ZNF831: variants seen among roughly 807,000 people sequenced by gnomAD.
ZNF831 encodes chromosome 20 open reading frame 174.
A neutral mutation model predicts 95.8 loss-of-function variants in ZNF831; 59 were observed. That is an observed-to-expected ratio of 0.62 (90% CI 0.50 to 0.77). ZNF831 has a LOEUF of 0.77. Among genes scored for constraint, ZNF831 ranks in the 30% least tolerant of loss-of-function variants. ZNF831 has a pLI of 0.00. For synonymous variants in ZNF831, 961 were observed against 925.5 expected, an observed-to-expected ratio of 1.04 and a Z score of -0.70; for missense variants, 2,205 against 2,164.0, an observed-to-expected ratio of 1.02 and a Z score of -0.38.
In ZNF831 at chr20:59,252,987, T is replaced by C. The variant is rs1163492310; in HGVS notation, c.4037T>C (p.Leu1346Pro). The C allele has an allele frequency of 1.2e-6, 2 of 1,613,840 alleles. No individual in the cohort carries two copies. Among genetic ancestry groups the C allele is most frequent in the Admixed American group, 1.7e-5 (1 of 59,998 alleles). ...QTSSEIAGLN[L>P]QEEPSCATSE... is the part of the protein sequence containing the mutation. ...GCCTCTCCCCTTGCAGGTCTGAATC[T>C]GCAAGAGGAGCCATCTTGTGCCACC... is the stretch of plus-strand genomic sequence containing the variant. The change falls in exon 5 of 6, where the codon CTG (leucine) becomes CCG (proline). Residue 1346 changes from leucine to proline, a missense_variant. Leu to Pro is a moderately conservative substitution (Grantham distance 98, BLOSUM62 -3). Coordinates refer to ENST00000371030, the MANE Select transcript of ZNF831 (RefSeq NM_178457.3).
At chr20:59,240,689 C>T (rs936738347) in intron 4 of ZNF831, among the ~76,000 whole-genome samples, 15 of 152,068 alleles carry the variant, frequency 9.9e-5, no homozygotes, top group Non-Finnish European at 2.2e-4. Flanking sequence ...GTAGTCCCAG[C>T]TACTCCGGAG....
chr20:59,232,190 G>A (rs1027325695), intron 4 of ZNF831, among the ~76,000 whole-genome samples: 2 of 151,960 alleles, frequency 1.3e-5, no homozygotes, highest in East Asian at 1.9e-4. Flanking sequence ...TGAAATGTAT[G>A]GACACCTTTA....
In ZNF831 at chr20:59,258,587, TG is replaced by T. The variant is rs1172438873; in HGVS notation, c.*3847del. 1.3e-5 allele frequency: 2 copies of T among 152,608 alleles called. No individual in the cohort carries two copies. Among genetic ancestry groups the T allele is most frequent in the African/African-American group, 2.4e-5 (1 of 41,444 alleles). 9.5% of individuals were successfully genotyped at this position (152,608 alleles called of 1,614,324 possible). Reference sequence around the variant, plus strand: ...GGAGAATATGACCTGCCTGGCTCTATGGGTGATCATATTTCTACTGCTGCAG... The same window carrying T: ...GGAGAATATGACCTGCCTGGCTCTATGGTGATCATATTTCTACTGCTGCAG... On this transcript the variant is annotated 3_prime_UTR_variant, in exon 6 of 6. Coordinates refer to ENST00000371030, the MANE Select transcript of ZNF831 (RefSeq NM_178457.3).
chr20:59,162,976 G>A (rs1221719066), upstream of ZNF831, among the ~76,000 whole-genome samples: 1 of 151,342 alleles, frequency 6.6e-6, no homozygotes, highest in Non-Finnish European at 1.5e-5. Context: ...AGTTCTCCTT[G>A]TAGAGATCTT....
intron 1 of ZNF831, among the ~76,000 whole-genome samples, chr20:59,145,994 G>A (rs982807221): frequency 5.3e-5 from 8 of 152,148 alleles, no homozygotes; most frequent in African/African-American, 1.7e-4. Context: ...GTTTGCAAAT[G>A]TTCAGTGTAA....
At chr20:59,185,936 A>G (rs1982991899) in intron 1 of ZNF831, among the ~76,000 whole-genome samples, 1 of 147,318 alleles carries the variant, frequency 6.8e-6, no homozygotes, top group African/African-American at 2.7e-5. Flanking sequence ...CTGCTCACCT[A>G]TTCTCCGACT....
chr20:59,127,387 C>T lies in ZNF831; in HGVS notation c.-1425+3882C>T, dbSNP rs1225595455. On this transcript the variant is annotated intron_variant, in intron 1 of 7. Transcript: ENST00000637017. ...TGAAAACCTCAGTCAGGTCATGCTG[C>T]TCTCTGGTCAGATCTTCCTATGGCC... 3.9e-5 allele frequency among the ~76,000 whole-genome samples: 6 copies of T among 152,304 alleles called. No individual in the cohort carries two copies. In the South Asian group the frequency reaches 1.2e-3, roughly 32 times the overall value.
intron 3 of ZNF831, among the ~76,000 whole-genome samples, chr20:59,205,724 G>A (rs1984846833): frequency 6.6e-6 from 1 of 152,192 alleles, no homozygotes; most frequent in Non-Finnish European, 1.5e-5. Context: ...GGCTTGTAAA[G>A]GGAAGGGATT....
intron 3 of ZNF831, among the ~76,000 whole-genome samples, chr20:59,202,248 A>T (rs757342797): frequency 2.0e-5 from 3 of 151,912 alleles, no homozygotes; most frequent in Non-Finnish European, 4.4e-5. Context: ...TTTTATTTCC[A>T]AAAAGTTTTA....
At chr20:59,174,552 A>T (rs1601333427) in intron 1 of ZNF831, among the ~76,000 whole-genome samples, 1 of 152,194 alleles carries the variant, frequency 6.6e-6, no homozygotes, top group South Asian at 2.1e-4. Flanking sequence ...GCCACCAAAC[A>T]TGATTAAGAA....
Position 59,191,181 on chromosome 20 carries a change from C to T in ZNF831, c.162C>T (p.Phe54=), listed in dbSNP as rs956928821. 5 of 1,597,470 alleles carry T rather than the reference C, an allele frequency of 3.1e-6. No individual in the cohort carries two copies. The highest frequency in any genetic ancestry group is 3.4e-6 in the Non-Finnish European group (4 of 1,174,922). ...AGGGCCTGGCCCCCCCCACTGTGTT[C>T]CTGAAGGCCCTGCCCATCCCACTGT... The part of the protein sequence containing the change: ...PEQGLAPPTV[F]LKALPIPLYH... The change falls in exon 2 of 6, where the codon TTC becomes TTT. Residue 54 remains phenylalanine, a synonymous_variant. Coordinates refer to ENST00000371030, the MANE Select transcript of ZNF831 (RefSeq NM_178457.3).
At chr20:59,219,623 C>T (rs966655478) in intron 4 of ZNF831, among the ~76,000 whole-genome samples, 8 of 152,140 alleles carry the variant, frequency 5.3e-5, no homozygotes, top group Non-Finnish European at 1.0e-4. Flanking sequence ...TTCGGCCCCC[C>T]ACTGCAGAAA....
At chr20:59,147,654 C>T (rs1295321756) in intron 2 of ZNF831, among the ~76,000 whole-genome samples, 3 of 152,186 alleles carry the variant, frequency 2.0e-5, no homozygotes, top group Admixed American at 1.3e-4. Flanking sequence ...AGGCCCCCCT[C>T]ATCTCCAAAC....
rs1421706408 is a variant in ZNF831, at chr20:59,126,833, C to T, written c.-1425+3328C>T. 3.9e-5 allele frequency among the ~76,000 whole-genome samples: 6 copies of T among 152,214 alleles called. No homozygotes were observed. The South Asian group carries it at 1.0e-3, about 26-fold the overall frequency. Reference sequence around the variant, plus strand: ...CTGTGAAGCTCATGGGTCACTCTGGCTCCGTCGTCTTTGTGGCTTCTCCTC... The same window carrying T: ...CTGTGAAGCTCATGGGTCACTCTGGTTCCGTCGTCTTTGTGGCTTCTCCTC... On this transcript the variant is annotated intron_variant, in intron 1 of 7. Coordinates refer to the ZNF831 transcript ENST00000637017.
rs574130994 is a variant in ZNF831, at chr20:59,186,299, C to T, written c.-36-4685C>T. Among the ~76,000 whole-genome samples, 8 of 152,260 alleles carry T rather than the reference C, an allele frequency of 5.3e-5. No individual in the cohort carries two copies. In the South Asian group the frequency reaches 1.7e-3, roughly 32 times the overall value. ...TTCTCAGGAACCCACCCCGAGACAG[C>T]ATCCCTTGCTAGAGGCGATGCATGG... On this transcript the variant is annotated intron_variant, in intron 1 of 5. Coordinates refer to ENST00000371030, the MANE Select transcript of ZNF831 (RefSeq NM_178457.3).
chr20:59,146,449 A>T (rs576835990), intron 2 of ZNF831: 2 of 152,390 alleles, frequency 1.3e-5, no homozygotes, highest in Admixed American at 1.3e-4. Flanking sequence ...GATCTTAATC[A>T]TTGAGCCTGG....
At chr20:59,142,168 G>A (rs1979703580) in intron 1 of ZNF831, among the ~76,000 whole-genome samples, 1 of 152,208 alleles carries the variant, frequency 6.6e-6, no homozygotes, top group Non-Finnish European at 1.5e-5. Flanking sequence ...GTTGAGTGAT[G>A]GGTAGTAGAG....
intron 4 of ZNF831, among the ~76,000 whole-genome samples, chr20:59,212,590 C>T (rs1387042244): frequency 6.6e-6 from 1 of 152,176 alleles, no homozygotes; most frequent in Non-Finnish European, 1.5e-5. Context: ...GCTTTAGGAT[C>T]AGGGCTGAGG....
intron 4 of ZNF831, among the ~76,000 whole-genome samples, chr20:59,224,876 T>C (rs1003743593): frequency 2.0e-5 from 3 of 152,244 alleles, no homozygotes; most frequent in African/African-American, 7.2e-5. Context: ...GGTTGAAAAG[T>C]AATTGGTTTT....
Sources: allele counts gnomAD v4.1 joint callset (sites outside exome capture counted in the v4.1 genomes callset), GRCh38; gene constraint gnomAD v4.1.1; transcripts MANE v1.5; gene names NCBI Gene and HGNC (gene_info 2026-07-23, HGNC 2026-07-21).